Variants in HSD17B12 observed in about 807,000 individuals in gnomAD.
The protein encoded by HSD17B12 is very-long-chain 3-oxoacyl-CoA reductase.
In HSD17B12, 32 loss-of-function variants were observed where a neutral mutation model predicts 39.3. The observed-to-expected ratio is 0.81, with a 90% CI of 0.61 to 1.09. The LOEUF (loss-of-function observed/expected upper bound fraction) is 1.09. Ranked by LOEUF, HSD17B12 falls within the 50% of genes least tolerant of loss-of-function variation. The pLI is 0.00. For missense variants in HSD17B12, 342 were observed against 382.9 expected (o/e 0.89, Z 0.89); for synonymous variants, 150 against 146.7 (o/e 1.02, Z -0.16).
chr11:43,639,394 G>A, the HSD17B12 span, among the ~76,000 whole-genome samples: 1 of 152,082 alleles, frequency 6.6e-6, no homozygotes, highest in Non-Finnish European at 1.5e-5. Flanking sequence ...TGCTTCCCTT[G>A]GCTGCTCCCA....
At chr11:43,637,483 A>C in the HSD17B12 span, among the ~76,000 whole-genome samples, 1 of 152,200 alleles carries the variant, frequency 6.6e-6, no homozygotes, top group East Asian at 1.9e-4. Context: ...GGCCTCCCAA[A>C]GTGCTGGGAT....
chr11:43,741,190 T>A (rs1950361208), intron 1 of HSD17B12, among the ~76,000 whole-genome samples: 1 of 152,222 alleles, frequency 6.6e-6, no homozygotes, highest in Admixed American at 6.5e-5. Context: ...TTAATATTTT[T>A]AAATTTTGAC....
At chr11:43,583,985 G>A in the HSD17B12 span, among the ~76,000 whole-genome samples, 2 of 152,144 alleles carry the variant, frequency 1.3e-5, no homozygotes, top group African/African-American at 4.8e-5. Flanking sequence ...TGGAGCTAGG[G>A]AAGGGTTTCA....
chr11:43,734,406 A>C (rs941954427), intron 1 of HSD17B12: 1 of 787,456 alleles, frequency 1.3e-6, no homozygotes. Context: ...GGTGACTCTA[A>C]GGCAGCCGAG....
chr11:43,768,039 G>A (rs549162303), intron 3 of HSD17B12, among the ~76,000 whole-genome samples: 2 of 152,264 alleles, frequency 1.3e-5, no homozygotes, highest in South Asian at 2.1e-4. Context: ...ATATGAAAAC[G>A]AAGTCTGGGG....
At chr11:43,631,445 CA>C in the HSD17B12 span, among the ~76,000 whole-genome samples, 1 of 152,104 alleles carries the variant, frequency 6.6e-6, no homozygotes, top group African/African-American at 2.4e-5. Flanking sequence ...TCCTTCTGAC[CA>C]ATCCTATAAA....
intron 1 of HSD17B12, among the ~76,000 whole-genome samples, chr11:43,700,978 C>T (rs1358553256): frequency 6.6e-6 from 1 of 152,088 alleles, no homozygotes; most frequent in African/African-American, 2.4e-5. Flanking sequence ...CCTTTTTCTC[C>T]ACATCTTTGC....
chr11:43,734,237 T>A, intron 1 of HSD17B12: 1 of 1,438,934 alleles, frequency 6.9e-7, no homozygotes, highest in Non-Finnish European at 9.7e-7. Flanking sequence ...CACCTTTGGG[T>A]TCATCCTGGA....
intron 4 of HSD17B12, among the ~76,000 whole-genome samples, chr11:43,802,059 C>T (rs368408224): frequency 1.2e-3 from 177 of 152,016 alleles, no homozygotes; most frequent in African/African-American, 4.1e-3. Context: ...GATCTCTGCT[C>T]ACTGCAAGCT....
the HSD17B12 span, among the ~76,000 whole-genome samples, chr11:43,580,207 A>C: frequency 6.6e-6 from 1 of 150,804 alleles, no homozygotes; most frequent in Non-Finnish European, 1.5e-5. Flanking sequence ...AGAGGGAGGG[A>C]GGGAGAGTGA....
At chr11:43,678,954 G>T (rs1002089630), upstream of HSD17B12, among the ~76,000 whole-genome samples, 4 of 152,092 alleles carry the variant, frequency 2.6e-5, no homozygotes, top group African/African-American at 4.8e-5. Flanking sequence ...TAAAGTAGTT[G>T]TTTCCAATTC....
intron 1 of HSD17B12, among the ~76,000 whole-genome samples, chr11:43,694,893 G>A (rs952400225): frequency 6.6e-6 from 1 of 151,700 alleles, no homozygotes; most frequent in Non-Finnish European, 1.5e-5. Context: ...GCATTTTGGG[G>A]GCCAGGCACG....
At chr11:43,855,043 A>G (rs1414389316) in intron 10 of HSD17B12, 101 bp from the exon 11 acceptor site, 67 of 1,091,308 alleles carry the variant, frequency 6.1e-5, no homozygotes, top group Non-Finnish European at 8.0e-5. Flanking sequence ...AAATCTACCT[A>G]TAAATAAAAA....
the HSD17B12 span, chr11:43,578,952 C>T: frequency 1.3e-5 from 2 of 152,110 alleles, no homozygotes; most frequent in African/African-American, 4.8e-5. Context: ...GCACGGATTC[C>T]CAAGTCGTGA....
chr11:43,833,032 CAAAAAAA>C (rs59191050), intron 7 of HSD17B12: 2,249 of 123,576 alleles, frequency 0.018, 52 homozygotes, highest in African/African-American at 0.056. Flanking sequence ...GACCCTGTCT[CAAAAAAA>C]AAAAAAAAAA....
chr11:43,696,711 A>G (rs1949914803), intron 1 of HSD17B12, among the ~76,000 whole-genome samples: 1 of 152,250 alleles, frequency 6.6e-6, no homozygotes, highest in African/African-American at 2.4e-5. Flanking sequence ...ACACATGGAC[A>G]CATATGTTGA....
chr11:43,718,592 C>T, intron 1 of HSD17B12: 1 of 554,162 alleles, frequency 1.8e-6, no homozygotes, highest in Non-Finnish European at 3.2e-6. Context: ...TGTTCCATAG[C>T]AATTTTGAAA....
chr11:43,719,782 C>T (rs1399438958), intron 1 of HSD17B12, among the ~76,000 whole-genome samples: 1 of 152,022 alleles, frequency 6.6e-6, no homozygotes, highest in Non-Finnish European at 1.5e-5. Flanking sequence ...ATATTTGTAG[C>T]TGAGTAGCTT....
chr11:43,700,408 G>T (rs1241231224), intron 1 of HSD17B12, among the ~76,000 whole-genome samples: 3 of 151,968 alleles, frequency 2.0e-5, no homozygotes, highest in African/African-American at 7.3e-5. Context: ...TCGCCACATT[G>T]TGCTGCTATC....
Sources: allele counts gnomAD v4.1 joint callset (sites outside exome capture counted in the v4.1 genomes callset), GRCh38; gene constraint gnomAD v4.1.1; transcripts MANE v1.5; gene names NCBI Gene and HGNC (gene_info 2026-07-23, HGNC 2026-07-21).